FGF20: variants seen among roughly 807,000 people sequenced by gnomAD.
FGF20 encodes the protein fibroblast growth factor 20.
In FGF20, 8 loss-of-function variants were observed where a neutral mutation model predicts 16.7. The observed-to-expected ratio is 0.48, with a 90% CI of 0.28 to 0.87. FGF20 has a LOEUF of 0.87. Ranked by LOEUF, FGF20 falls within the 40% of genes least tolerant of loss-of-function variation. FGF20 has a pLI of 0.10. For synonymous variants in FGF20, 161 were observed against 118.6 expected, an observed-to-expected ratio of 1.36 and a Z score of -2.32; for missense variants, 397 against 281.4, an observed-to-expected ratio of 1.41 and a Z score of -2.94.
At position 17,002,090 on chromosome 8, in the gene FGF20, G is replaced by C. The variant is rs1810203596; in HGVS notation, c.-58C>G. 1 of 1,446,076 alleles carries C rather than the reference G, an allele frequency of 6.9e-7. No individual in the cohort carries two copies. Among genetic ancestry groups the C allele is most frequent in the Non-Finnish European group, 9.1e-7 (1 of 1,099,268 alleles). The allele number at this position is 1,446,076 out of a possible 1,614,324, so 89.6% of individuals were successfully genotyped here. A position where few individuals can be genotyped will look rare whatever the true frequency, so the allele number is the denominator to read the frequency against. On this transcript the variant is annotated 5_prime_UTR_variant, in exon 1 of 3. In the 5' UTR this introduces an upstream ATG that the reference lacks. Coordinates refer to ENST00000180166, the MANE Select transcript of FGF20 (RefSeq NM_019851.3). ...CCAGTAAAGAGTGTTGTGGGGGTGG[G>C]ATGGAGGTGGATAGAGAAAAATTAT...
intron 2 of FGF20, among the ~76,000 whole-genome samples, chr8:16,994,029 G>T (rs564995823): frequency 5.3e-5 from 8 of 152,178 alleles, no homozygotes; most frequent in African/African-American, 1.7e-4. Context: ...CCAGTCTATG[G>T]CCCAGGGGTT....
intron 1 of FGF20, 121 bp from the exon 2 acceptor site, chr8:16,995,879 C>T (rs531568708): frequency 1.6e-4 from 86 of 545,134 alleles, no homozygotes; most frequent in Non-Finnish European, 2.1e-4. Flanking sequence ...TAATGATGTA[C>T]GTGTAAAAGT....
In FGF20 at chr8:17,002,042, G is replaced by C. The variant is rs1161987173; in HGVS notation, c.-10C>G. On this transcript the variant is annotated 5_prime_UTR_variant, in exon 1 of 3. It adds an upstream start codon to the 5' untranslated region. Coordinates refer to ENST00000180166, the MANE Select transcript of FGF20 (RefSeq NM_019851.3). ...CGGCTAAGGGAGCCATGGAGGGGGA[G>C]ATCCGGAACACAAAAGACCCCCCCA... 59 of 1,535,880 alleles carry C rather than the reference G, an allele frequency of 3.8e-5. No individual in the cohort carries two copies. Among genetic ancestry groups the C allele is most frequent in the Non-Finnish European group, 5.1e-5 (58 of 1,142,398 alleles).
chr8:16,995,876 G>A (rs1035494376), intron 1 of FGF20, 118 bp from the exon 2 acceptor site: 3 of 559,094 alleles, frequency 5.4e-6, no homozygotes, highest in East Asian at 5.6e-5. Flanking sequence ...ATATAATGAT[G>A]TACGTGTAAA....
At chr8:16,998,575 A>G (rs1193422214) in intron 1 of FGF20, among the ~76,000 whole-genome samples, 1 of 152,158 alleles carries the variant, frequency 6.6e-6, no homozygotes, top group East Asian at 1.9e-4. Context: ...TCTAATGCCC[A>G]GTGTCCCATA....
intron 2 of FGF20, among the ~76,000 whole-genome samples, chr8:16,994,922 T>C (rs1023009804): frequency 1.1e-4 from 17 of 152,152 alleles, no homozygotes; most frequent in African/African-American, 3.9e-4. Flanking sequence ...TGCTGTAAGG[T>C]AGAGTGTGAT....
Position 16,992,374 on chromosome 8 carries a change from T to G in FGF20, c.*698A>C, listed in dbSNP as rs1227889082. The G allele has an allele frequency of 2.0e-5, 3 of 152,046 alleles. No homozygotes were observed. Among genetic ancestry groups the G allele is most frequent in the African/African-American group, 4.8e-5 (2 of 41,438 alleles). The allele number at this position is 152,046 out of a possible 1,614,324, so 9.4% of individuals were successfully genotyped here. ...TTAAGGTGGTATAATAATGTCCTCT[T>G]TACAGAGCAAGACACCACAATAAAG... On this transcript the variant is annotated 3_prime_UTR_variant, in exon 3 of 3. Transcript: ENST00000180166.
chr8:16,995,854 C>T lies in FGF20; in HGVS notation c.287-96G>A, dbSNP rs539655324. The T allele has an allele frequency of 2.3e-4, 142 of 622,394 alleles. No homozygotes were observed. In the African/African-American group the frequency reaches 2.4e-3, roughly 11 times the overall value. The allele number at this position is 622,394 out of a possible 1,614,324, so 38.6% of individuals were successfully genotyped here. A position where few individuals can be genotyped will look rare whatever the true frequency, so the allele number is the denominator to read the frequency against. On this transcript the variant is annotated intron_variant, in intron 1 of 2. Coordinates refer to ENST00000180166, the MANE Select transcript of FGF20 (RefSeq NM_019851.3). ...CTTCCAAATAGTAGCGGTAGTCGGC[C>T]ATTATTGCCAAATATAATGATGTAC...
rs1809931738 is a variant in FGF20 at position 16,992,310 on chromosome 8, A to C, written c.*762T>G. 1.3e-5 allele frequency: 2 copies of C among 152,066 alleles called. No individual in the cohort carries two copies. The highest frequency in any genetic ancestry group is 4.1e-4 in the South Asian group (2 of 4,828). The allele number at this position is 152,066 out of a possible 1,614,324, so 9.4% of individuals were successfully genotyped here. On this transcript the variant is annotated 3_prime_UTR_variant, in exon 3 of 3. Coordinates refer to ENST00000180166, the MANE Select transcript of FGF20 (RefSeq NM_019851.3). ...TGACTGCATAAAAAATATAATCTAT[A>C]CTATATTTTAAAAAGAAATTCAAAA...
chr8:17,001,342 G>C (rs923135127), intron 1 of FGF20, among the ~76,000 whole-genome samples: 15 of 152,132 alleles, frequency 9.9e-5, no homozygotes, highest in Non-Finnish European at 5.9e-5. Context: ...AAGGAAATCG[G>C]AGAGAAACAT....
chr8:17,001,701 C>T, intron 1 of FGF20, 46 bp downstream of exon 1: 2 of 1,513,740 alleles, frequency 1.3e-6, no homozygotes, highest in Non-Finnish European at 8.8e-7. Flanking sequence ...AACGAGGAGC[C>T]GAGCTGGGGC....
Position 17,001,859 on chromosome 8 carries a change from C to G in FGF20, c.174G>C (p.Ala58=), listed in dbSNP as rs1249125125. 3 of 1,484,802 alleles carry G rather than the reference C, an allele frequency of 2.0e-6. No individual in the cohort carries two copies. Among genetic ancestry groups the G allele is most frequent in the Non-Finnish European group, 1.8e-6 (2 of 1,119,340 alleles). The allele number at this position is 1,484,802 out of a possible 1,614,324, so 92.0% of individuals were successfully genotyped here. The change falls in exon 1 of 3, where the codon GCG becomes GCC. Residue 58 remains alanine (A), a synonymous_variant. Coordinates refer to ENST00000180166, the MANE Select transcript of FGF20 (RefSeq NM_019851.3). ...GGCGGCGCAGGATGCCGTGCAGGTG[C>G]GCCAGCTGCGCAGCCCCCGGCCCGC... ...ARGGPGAAQL[A]HLHGILRRRQ...
At chr8:16,995,570 A>G in intron 2 of FGF20, 85 bp downstream of exon 2, 1 of 563,376 alleles carries the variant, frequency 1.8e-6, no homozygotes, top group Non-Finnish European at 2.9e-6. Context: ...TCTACCAGAC[A>G]TTCTTGGTAG....
chr8:16,997,818 G>C (rs936013596), intron 1 of FGF20, among the ~76,000 whole-genome samples: 1 of 151,980 alleles, frequency 6.6e-6, no homozygotes, highest in Non-Finnish European at 1.5e-5. Context: ...CAAAAACATA[G>C]GCCCAAAACA....
rs553716284 is a variant in FGF20 at position 16,996,996 on chromosome 8, G to T, written c.287-1238C>A. ...TTTTAAAATTAAATTGTATAGTTCAGAGAAGAAAAAGGACTTTATAATTCA... is the reference window on the plus strand; with the variant it reads ...TTTTAAAATTAAATTGTATAGTTCATAGAAGAAAAAGGACTTTATAATTCA... On this transcript the variant is annotated intron_variant, in intron 1 of 2. Transcript: ENST00000180166. 2.0e-5 allele frequency among the ~76,000 whole-genome samples: 3 copies of T among 152,234 alleles called. No individual in the cohort carries two copies. In the South Asian group the frequency reaches 6.2e-4, roughly 32 times the overall value.
chr8:16,999,248 C>T (rs185411068), intron 1 of FGF20, among the ~76,000 whole-genome samples: 3 of 152,320 alleles, frequency 2.0e-5, no homozygotes, highest in African/African-American at 7.2e-5. Context: ...GAGTGACTTA[C>T]ATTGGCACAA....
chr8:17,000,359 T>C (rs1302016878), intron 1 of FGF20, among the ~76,000 whole-genome samples: 1 of 152,084 alleles, frequency 6.6e-6, no homozygotes, highest in East Asian at 1.9e-4. Flanking sequence ...TATTTCTACA[T>C]CTAGAGTTAC....
intron 1 of FGF20, among the ~76,000 whole-genome samples, chr8:16,997,845 T>C (rs981916971): frequency 6.6e-6 from 1 of 152,214 alleles, no homozygotes; most frequent in Non-Finnish European, 1.5e-5. Context: ...GTAGAAAATA[T>C]ATATATTAAT....
intron 2 of FGF20, among the ~76,000 whole-genome samples, chr8:16,995,071 G>A (rs563508989): frequency 4.6e-5 from 7 of 152,270 alleles, no homozygotes; most frequent in South Asian, 4.1e-4. Context: ...ACCCACAGAC[G>A]TGCACTTATC....
Sources: gnomAD v4.1 joint callset for allele counts (sites outside exome capture counted in the v4.1 genomes callset) on GRCh38, gnomAD v4.1.1 for gene constraint, MANE v1.5 for transcripts, NCBI Gene and HGNC (gene_info 2026-07-23, HGNC 2026-07-21) for gene names.